NLRP3: variants seen among roughly 807,000 people sequenced by gnomAD.
The protein encoded by NLRP3 is NACHT, LRR and PYD domains-containing protein 3.
Under a neutral mutation model 91.3 loss-of-function variants are expected in NLRP3, and 48 were observed. The ratio of observed to expected loss-of-function variants is 0.53; its 90% CI spans 0.42 to 0.67. The LOEUF (loss-of-function observed/expected upper bound fraction) is 0.67. Ranked by LOEUF, NLRP3 falls within the 30% of genes least tolerant of loss-of-function variation. The probability of loss-of-function intolerance (pLI) is 0.00; values close to 1 mark genes in which losing one functional copy is unlikely to be tolerated. For synonymous variants in NLRP3, 561 were observed against 507.9 expected (o/e 1.10, Z -1.41); for missense variants, 982 against 1,276.9 (o/e 0.77, Z 3.52).
At position 247,423,355 on chromosome 1, in the gene NLRP3, C is replaced by T. The variant is rs201165941; in HGVS notation, c.397+6C>T. On this transcript the variant is annotated splice_donor_region_variant and intron_variant, in intron 3 of 9. Transcript: ENST00000336119. Reference sequence around the variant, plus strand: ...TATTTGTAAAATGAAGAAAGGTAAGCGACTGGGGTGGTGCTTCTAGTTGAG... The same window carrying T: ...TATTTGTAAAATGAAGAAAGGTAAGTGACTGGGGTGGTGCTTCTAGTTGAG... 7.4e-6 allele frequency: 12 copies of T among 1,613,456 alleles called. No homozygotes were observed. Among genetic ancestry groups the T allele is most frequent in the Non-Finnish European group, 1.0e-5 (12 of 1,179,796 alleles).
At chr1:247,445,126 T>C (rs984607713) in intron 9 of NLRP3, among the ~76,000 whole-genome samples, 1 of 152,196 alleles carries the variant, frequency 6.6e-6, no homozygotes, top group African/African-American at 2.4e-5. Flanking sequence ...CCGAACTTCG[T>C]AGAACTCGTC....
In NLRP3 at chr1:247,418,944, C is replaced by T; in HGVS notation, c.144C>T (p.Asp48=). The change falls in exon 2 of 10, where the codon GAC becomes GAT. Residue 48 remains aspartate (D), a synonymous_variant. Transcript: ENST00000336119. The part of the protein sequence containing the change: ...PLPRGQTEKA[D]HVDLATLMID... The stretch of plus-strand genomic sequence containing the variant: ...CGAGGGGTCAGACAGAGAAGGCAGA[C>T]CATGTGGATCTAGCCACGCTAATGA... The T allele has an allele frequency of 1.2e-6, 2 of 1,614,134 alleles. No homozygotes were observed. The highest frequency in any genetic ancestry group is 2.7e-5 in the African/African-American group (2 of 75,040).
At chr1:247,423,438 A>G (rs756827307) in intron 3 of NLRP3, 89 bp downstream of exon 3, 141 of 1,483,404 alleles carry the variant, frequency 9.5e-5, no homozygotes, top group Non-Finnish European at 1.3e-4. Flanking sequence ...ACTTGGCCAT[A>G]CTATAGGTTC....
chr1:247,430,852 G>A lies in NLRP3; in HGVS notation c.2321+1097G>A, dbSNP rs79322069. Among the ~76,000 whole-genome samples the A allele has an allele frequency of 4.2e-3, 632 of 150,804 alleles. 8 individuals carry two copies. Among genetic ancestry groups the A allele is most frequent in the African/African-American group, 0.015 (610 of 41,006 alleles). On this transcript the variant is annotated intron_variant, in intron 5 of 9. Coordinates refer to ENST00000336119, the MANE Select transcript of NLRP3 (RefSeq NM_001243133.2). Reference sequence around the variant, plus strand: ...TGTGATCACAGCTTACTGCAGCCTCGACCTCCCAGGCTCAAGCAATCCTCC... The same window carrying A: ...TGTGATCACAGCTTACTGCAGCCTCAACCTCCCAGGCTCAAGCAATCCTCC...
Position 247,439,045 on chromosome 1 carries a change from C to CATCT in NLRP3, c.2663+2908_2663+2909insTATC, listed in dbSNP as rs1553291702. On this transcript the variant is annotated intron_variant, in intron 7 of 9. Coordinates refer to ENST00000336119, the MANE Select transcript of NLRP3 (RefSeq NM_001243133.2). ...CCATCCATCCATCCATCCATCCATC[C>CATCT]ATCCATCCATCCATCAATCCATCCA... Among the ~76,000 whole-genome samples, 82 of 150,486 alleles carry CATCT rather than the reference C, an allele frequency of 5.4e-4. 1 individual carries two copies. The highest frequency in any genetic ancestry group is 2.9e-3 in the East Asian group (15 of 5,096).
chr1:247,448,686 C>T lies in NLRP3; in HGVS notation c.*182C>T, dbSNP rs1169960447. 4 of 654,806 alleles carry T rather than the reference C, an allele frequency of 6.1e-6. No individual in the cohort carries two copies. The highest frequency in any genetic ancestry group is 3.6e-5 in the African/African-American group (2 of 55,522). The allele number at this position is 654,806 out of a possible 1,614,324, so 40.6% of individuals were successfully genotyped here. ...GTGCAGAGCTTGGGCATCTCCTTTA[C>T]GCCAGGGTGAGGAAGACACCAGGAC... On this transcript the variant is annotated 3_prime_UTR_variant, in exon 10 of 10. Coordinates refer to ENST00000336119, the MANE Select transcript of NLRP3 (RefSeq NM_001243133.2).
intron 6 of NLRP3, among the ~76,000 whole-genome samples, chr1:247,434,500 G>A (rs1218137222): frequency 2.0e-5 from 3 of 152,212 alleles, no homozygotes; most frequent in Non-Finnish European, 4.4e-5. Context: ...ACAAAAAGAA[G>A]ATGTCTGCCT....
intron 7 of NLRP3, among the ~76,000 whole-genome samples, chr1:247,441,755 T>C (rs1362859832): frequency 6.6e-6 from 1 of 152,220 alleles, no homozygotes; most frequent in Non-Finnish European, 1.5e-5. Flanking sequence ...ATGTGTTCAG[T>C]GTAACCGTTG....
rs1664750801 is a variant in NLRP3, at chr1:247,448,542, G to C, written c.*38G>C. On this transcript the variant is annotated 3_prime_UTR_variant, in exon 10 of 10. Transcript: ENST00000336119. The stretch of plus-strand genomic sequence containing the variant: ...GGCTGCCAGACGCCAGTGTTCTCCG[G>C]TCCCTCCAGCTGGGGGCCCTCAGGT... 3 of 1,301,348 alleles carry C rather than the reference G, an allele frequency of 2.3e-6. No homozygotes were observed. The East Asian group carries it at 6.9e-5, about 30-fold the overall frequency. The allele number at this position is 1,301,348 out of a possible 1,614,324, so 80.6% of individuals were successfully genotyped here.
At chr1:247,416,517 T>A (rs1662084659) in intron 1 of NLRP3, among the ~76,000 whole-genome samples, 1 of 151,978 alleles carries the variant, frequency 6.6e-6, no homozygotes, top group Admixed American at 6.6e-5. Flanking sequence ...GAAACAAACC[T>A]CCTTAAAGAC....
intron 7 of NLRP3, among the ~76,000 whole-genome samples, chr1:247,442,994 C>T (rs780815876): frequency 1.2e-4 from 18 of 152,256 alleles, no homozygotes; most frequent in Admixed American, 2.0e-4. Context: ...GTGGCAATCT[C>T]GGCTCACTGC....
At chr1:247,421,329 G>C (rs1179012825) in intron 2 of NLRP3, among the ~76,000 whole-genome samples, 1 of 152,028 alleles carries the variant, frequency 6.6e-6, no homozygotes, top group Non-Finnish European at 1.5e-5. Context: ...AGCCGGGGGA[G>C]GTCAGAAACC....
In NLRP3 at chr1:247,436,044, C is replaced by A. The variant is rs2103173891; in HGVS notation, c.2567C>A (p.Thr856Asn). 2 of 1,614,110 alleles carry A rather than the reference C, an allele frequency of 1.2e-6. No homozygotes were observed. Among genetic ancestry groups the A allele is most frequent in the Non-Finnish European group, 1.7e-6 (2 of 1,180,014 alleles). The stretch of plus-strand genomic sequence containing the variant: ...GTATTGAGCACCAGCCATTCCCTGA[C>A]CAGACTCTATGTGGGGGAGAATGCC... ...ASVLSTSHSL[T>N]RLYVGENALG... Residue 856 changes from threonine (T) to asparagine (N), a missense_variant, in exon 7 of 10, where the codon ACC becomes AAC. Thr to Asn is a moderately conservative substitution (Grantham distance 65). Coordinates refer to ENST00000336119, the MANE Select transcript of NLRP3 (RefSeq NM_001243133.2).
At position 247,434,208 on chromosome 1, in the gene NLRP3, T is replaced by C; in HGVS notation, c.2427T>C (p.Gly809=). The C allele has an allele frequency of 6.2e-7, 1 of 1,614,250 alleles. No homozygotes were observed. Among genetic ancestry groups the C allele is most frequent in the Non-Finnish European group, 8.5e-7 (1 of 1,180,050 alleles). ...VELDLSDNAL[G]DFGIRLLCVG... is the part of the protein sequence containing the mutation. ...TGGACCTGAGTGACAACGCCCTCGG[T>C]GACTTCGGAATCAGACTTCTGTGTG... Residue 809 remains glycine (G), a synonymous_variant, in exon 6 of 10, where the codon GGT becomes GGC. Transcript: ENST00000336119.
Position 247,443,889 on chromosome 1 carries a change from A to G in NLRP3, c.2664-83A>G, listed in dbSNP as rs913995260. On this transcript the variant is annotated intron_variant, in intron 7 of 9. Coordinates refer to ENST00000336119, the MANE Select transcript of NLRP3 (RefSeq NM_001243133.2). ...AGCTGAAGGCTGCAGCTGCTGAGAG[A>G]GGACGAGGCACTGAGTCAAAGCAGC... 6 of 1,349,466 alleles carry G rather than the reference A, an allele frequency of 4.4e-6. No homozygotes were observed. The African/African-American group carries it at 8.6e-5, about 19-fold the overall frequency. 83.6% of individuals were successfully genotyped at this position (1,349,466 alleles called of 1,614,324 possible). A position where few individuals can be genotyped will look rare whatever the true frequency, so the allele number is the denominator to read the frequency against.
chr1:247,429,028 G>A (rs998495216), intron 4 of NLRP3, among the ~76,000 whole-genome samples: 12 of 152,126 alleles, frequency 7.9e-5, no homozygotes, highest in Admixed American at 7.2e-4. Flanking sequence ...TAATAGCTGG[G>A]ATGACAGGCT....
Position 247,423,979 on chromosome 1 carries a change from G to A in NLRP3, c.530G>A (p.Ser177Asn), listed in dbSNP as rs1019344995. 34 of 1,614,096 alleles carry A rather than the reference G, an allele frequency of 2.1e-5. No individual in the cohort carries two copies. Among genetic ancestry groups the A allele is most frequent in the Non-Finnish European group, 2.9e-5 (34 of 1,180,000 alleles). ...CTGCGTCTCATCAAGGAGCACCGGAGCCAGCAGGAGAGGGAGCAGGAGCTT... is the reference window on the plus strand; with the variant it reads ...CTGCGTCTCATCAAGGAGCACCGGAACCAGCAGGAGAGGGAGCAGGAGCTT... Reference protein sequence around the residue: ...TRLRLIKEHRSQQEREQELLA... With the variant: ...TRLRLIKEHRNQQEREQELLA... The change falls in exon 4 of 10, where the codon AGC becomes AAC. Residue 177 changes from serine (S) to asparagine (N), a missense_variant. Coordinates refer to ENST00000336119, the MANE Select transcript of NLRP3 (RefSeq NM_001243133.2).
intron 5 of NLRP3, among the ~76,000 whole-genome samples, chr1:247,433,692 C>T (rs1028887688): frequency 2.8e-5 from 3 of 106,562 alleles, no homozygotes; most frequent in African/African-American, 1.1e-4. Flanking sequence ...CAGGTGTGTC[C>T]TGATGCTTTC....
At chr1:247,427,386 C>T (rs76025429) in intron 4 of NLRP3, among the ~76,000 whole-genome samples, 7,418 of 152,276 alleles carry the variant, frequency 0.049, 597 homozygotes, top group African/African-American at 0.17. Flanking sequence ...CAGAACTACT[C>T]ATTAAGAGTG....
Sources: allele counts gnomAD v4.1 joint callset (sites outside exome capture counted in the v4.1 genomes callset), GRCh38; gene constraint gnomAD v4.1.1; transcripts MANE v1.5; gene names NCBI Gene and HGNC (gene_info 2026-07-23, HGNC 2026-07-21).